The following ADAMTSL1 variants were observed in gnomAD, a reference collection of about 807,000 sequenced individuals.
The protein encoded by ADAMTSL1 is ADAMTS like 1.
ADAMTSL1 carries 126 observed loss-of-function variants against 201.8 expected under a neutral mutation model. The observed-to-expected ratio is 0.62, with a 90% confidence interval of 0.54 to 0.72. ADAMTSL1 has a LOEUF of 0.72. ADAMTSL1 is among the 30% of genes least tolerant of loss of function. The pLI is 0.00. For missense variants in ADAMTSL1, 2,679 were observed against 2,277.8 expected (o/e 1.18, Z -3.59); for synonymous variants, 1,121 against 903.4 (o/e 1.24, Z -4.32).
chr9:18,740,480 T>TG (rs1564195493), intron 15 of ADAMTSL1, among the ~76,000 whole-genome samples: 1 of 138,344 alleles, frequency 7.2e-6, no homozygotes, highest in Non-Finnish European at 1.6e-5. Flanking sequence ...TCTTTTATCT[T>TG]TTTTTTTTTT....
At chr9:18,259,981 AC>A (rs1228146542) in intron 2 of ADAMTSL1, among the ~76,000 whole-genome samples, 1 of 152,192 alleles carries the variant, frequency 6.6e-6, no homozygotes, top group Non-Finnish European at 1.5e-5. Flanking sequence ...ATTTGCTGAT[AC>A]TACCCCTCTG....
chr9:18,411,218 A>G (rs561956407), intron 2 of ADAMTSL1, among the ~76,000 whole-genome samples: 72 of 148,090 alleles, frequency 4.9e-4, no homozygotes, highest in Non-Finnish European at 8.9e-4. Context: ...ATTTTTTGAG[A>G]CAGGGTTTCT....
chr9:18,274,505 A>G (rs1012295588), intron 2 of ADAMTSL1, among the ~76,000 whole-genome samples: 4 of 152,170 alleles, frequency 2.6e-5, no homozygotes, highest in African/African-American at 9.6e-5. Flanking sequence ...GCAATGTCTG[A>G]GGTATTTCAT....
rs956202505 is a variant in ADAMTSL1 at position 18,748,505 on chromosome 9, T to G, written c.2007-4793T>G. Among the ~76,000 whole-genome samples, 42 of 152,224 alleles carry G rather than the reference T, an allele frequency of 2.8e-4. 1 individual carries two copies. Among genetic ancestry groups the G allele is most frequent in the Non-Finnish European group, 8.8e-5 (6 of 68,036 alleles). ...TATTTACACAAAGTGGGATGCAGCC[T>G]GTCAAAAGCATGTCAATTCAGATCC... On this transcript the variant is annotated intron_variant, in intron 15 of 28. Transcript: ENST00000380548.
intron 1 of ADAMTSL1, among the ~76,000 whole-genome samples, chr9:18,162,710 A>G (rs548469971): frequency 6.6e-6 from 1 of 152,154 alleles, no homozygotes; most frequent in Non-Finnish European, 1.5e-5. Context: ...ATAAACATCC[A>G]CATATTCATT....
intron 1 of ADAMTSL1, among the ~76,000 whole-genome samples, chr9:18,153,603 T>C (rs2072797848): frequency 6.6e-6 from 1 of 151,990 alleles, no homozygotes; most frequent in South Asian, 2.1e-4. Context: ...GGGTGAGGAC[T>C]GAAGCCCCTG....
intron 20 of ADAMTSL1, among the ~76,000 whole-genome samples, chr9:18,815,927 T>C (rs1277561960): frequency 6.6e-6 from 1 of 152,162 alleles, no homozygotes; most frequent in Non-Finnish European, 1.5e-5. Context: ...TGGATACATG[T>C]ATACATTGTA....
chr9:17,984,096 T>G (rs1235648424), intron 1 of ADAMTSL1, among the ~76,000 whole-genome samples: 2 of 152,138 alleles, frequency 1.3e-5, no homozygotes, highest in East Asian at 3.8e-4. Flanking sequence ...GATGGGATTT[T>G]TGTGTGTGTG....
chr9:18,431,746 C>T (rs76430944), intron 2 of ADAMTSL1, among the ~76,000 whole-genome samples: 3,866 of 152,212 alleles, frequency 0.025, 170 homozygotes, highest in African/African-American at 0.089. Context: ...CCTAACTTTT[C>T]TTCCCATGAC....
chr9:18,658,663 C>G (rs1009021091), intron 8 of ADAMTSL1, among the ~76,000 whole-genome samples: 2 of 152,160 alleles, frequency 1.3e-5, no homozygotes, highest in Middle Eastern at 3.2e-3. Flanking sequence ...TTTTGTGTTA[C>G]TAGAAAAGGC....
At chr9:18,496,333 T>G (rs912337601) in intron 1 of ADAMTSL1, among the ~76,000 whole-genome samples, 2 of 152,174 alleles carry the variant, frequency 1.3e-5, no homozygotes, top group African/African-American at 4.8e-5. Context: ...AAGCATAATA[T>G]TAAGCCAGGG....
intron 16 of ADAMTSL1, among the ~76,000 whole-genome samples, chr9:18,764,431 A>G (rs538555022): frequency 2.0e-5 from 3 of 152,342 alleles, no homozygotes; most frequent in African/African-American, 7.2e-5. Context: ...AGATCATATC[A>G]TCTGCAAACA....
chr9:18,065,189 C>G (rs1194522363), intron 1 of ADAMTSL1, among the ~76,000 whole-genome samples: 2 of 152,064 alleles, frequency 1.3e-5, no homozygotes, highest in East Asian at 1.9e-4. Flanking sequence ...ATATACCACA[C>G]TGATTCACAT....
chr9:18,175,869 G>A (rs1011731345), intron 2 of ADAMTSL1, among the ~76,000 whole-genome samples: 2 of 152,038 alleles, frequency 1.3e-5, no homozygotes, highest in African/African-American at 2.4e-5. Flanking sequence ...TCAGGCTGAG[G>A]GGCAGTCTAG....
At chr9:18,169,005 A>T (rs1396034954) in intron 2 of ADAMTSL1, among the ~76,000 whole-genome samples, 1 of 147,220 alleles carries the variant, frequency 6.8e-6, no homozygotes, top group African/African-American at 2.5e-5. Flanking sequence ...GTTTGAGTTC[A>T]TTGTAGATTC....
rs868796543 is a variant in ADAMTSL1, at chr9:18,053,290, A to G, written c.88-110572A>G. ...TAGATCTTATAATGAGGCAAAGAGGACAGGAGACAGAGGAGACATACCTGT... is the reference window on the plus strand; with the variant it reads ...TAGATCTTATAATGAGGCAAAGAGGGCAGGAGACAGAGGAGACATACCTGT... On this transcript the variant is annotated intron_variant, in intron 1 of 29. Coordinates refer to the ADAMTSL1 transcript ENST00000680146. Among the ~76,000 whole-genome samples the G allele has an allele frequency of 8.7e-4, 132 of 152,284 alleles. 1 individual carries two copies. The highest frequency in any genetic ancestry group is 3.0e-3 in the African/African-American group (123 of 41,574).
chr9:18,292,543 C>T (rs1833315214), intron 2 of ADAMTSL1, among the ~76,000 whole-genome samples: 1 of 152,052 alleles, frequency 6.6e-6, no homozygotes, highest in South Asian at 2.1e-4. Context: ...GAGACAGACC[C>T]TCCCTCAGCC....
At chr9:18,822,232 T>C (rs1297549213) in intron 21 of ADAMTSL1, among the ~76,000 whole-genome samples, 3 of 152,274 alleles carry the variant, frequency 2.0e-5, no homozygotes, top group Admixed American at 2.0e-4. Flanking sequence ...TTTTGTGGCA[T>C]TTGCTGTCAC....
chr9:18,744,534 CATGCAG>C (rs1329898115), intron 15 of ADAMTSL1, among the ~76,000 whole-genome samples: 4 of 152,206 alleles, frequency 2.6e-5, no homozygotes, highest in African/African-American at 9.6e-5. Flanking sequence ...ATTTACTGAG[CATGCAG>C]TAATAAAAGT....
Sources: gnomAD v4.1 joint callset for allele counts (sites outside exome capture counted in the v4.1 genomes callset) on GRCh38, gnomAD v4.1.1 for gene constraint, MANE v1.5 for transcripts, NCBI Gene and HGNC (gene_info 2026-07-23, HGNC 2026-07-21) for gene names.